The following RIIAD1 variants were observed in gnomAD, a reference collection of about 807,000 sequenced individuals.
RIIAD1 encodes RIIa domain-containing protein 1.
In RIIAD1, 15 loss-of-function variants were observed where a neutral mutation model predicts 13.3. The observed-to-expected ratio is 1.13, with a 90% CI of 0.76 to 1.74. RIIAD1 has a LOEUF of 1.74. RIIAD1 is among the 40% of genes most tolerant of loss of function. The pLI, the probability that RIIAD1 is intolerant of heterozygous loss-of-function variation, is 0.00. For synonymous variants in RIIAD1, 50 were observed against 43.3 expected (o/e 1.16, Z -0.61); for missense variants, 121 against 112.2 (o/e 1.08, Z -0.35).
rs1315905649 is a variant in RIIAD1 at position 151,729,471 on chromosome 1, C to T, written c.*58-17C>T. 1 of 152,256 alleles carries T rather than the reference C, an allele frequency of 6.6e-6. No individual in the cohort carries two copies. The highest frequency in any genetic ancestry group is 2.4e-5 in the African/African-American group (1 of 41,404). 9.4% of individuals were successfully genotyped at this position (152,256 alleles called of 1,614,324 possible). On this transcript the variant is annotated splice_polypyrimidine_tract_variant and intron_variant, in intron 4 of 4. Transcript: ENST00000479191. ...AGGTCACACTCCTAATTTGGTGGAA[C>T]CATTTCTGTTTTGCAGGGTCATCTG... is the stretch of plus-strand genomic sequence containing the variant.
At chr1:151,713,859 T>A (rs1028246856) in intron 3 of RIIAD1, among the ~76,000 whole-genome samples, 1 of 152,190 alleles carries the variant, frequency 6.6e-6, no homozygotes, top group Non-Finnish European at 1.5e-5. Context: ...CTTGGGACAA[T>A]CAGCAAGGCT....
chr1:151,717,152 A>G (rs1673548494), upstream of RIIAD1, among the ~76,000 whole-genome samples: 1 of 152,102 alleles, frequency 6.6e-6, no homozygotes, highest in East Asian at 1.9e-4. Flanking sequence ...GCGGGGAAAG[A>G]GGGGAGCCCG....
chr1:151,714,528 T>G (rs1571937183), exon 4 of RIIAD1: 1 of 1,144,284 alleles, frequency 8.7e-7, no homozygotes. Flanking sequence ...GTCAGGAGGG[T>G]GGTGAGCCTC....
In RIIAD1 at chr1:151,727,561, TTAA is replaced by T; in HGVS notation, c.162-12_162-10del. The T allele has an allele frequency of 1.3e-6, 2 of 1,537,982 alleles. No individual in the cohort carries two copies. Among genetic ancestry groups the T allele is most frequent in the Non-Finnish European group, 1.8e-6 (2 of 1,134,502 alleles). On this transcript the variant is annotated splice_polypyrimidine_tract_variant and intron_variant, in intron 2 of 4. Transcript: ENST00000479191. ...TCTACTTTACCTCCCATCCTATCCC[TTAA>T]TGTTTTCCAGAGAAATATTTTTGAA...
Position 151,721,535 on chromosome 1 carries a change from A to C in RIIAD1, c.-2A>C, listed in dbSNP as rs535065668. ...GCCGGTCGCCTTGACGACCGCAGCAAGATGGAGACGCTGCCAGGCTTGCTG... is the reference window on the plus strand; with the variant it reads ...GCCGGTCGCCTTGACGACCGCAGCACGATGGAGACGCTGCCAGGCTTGCTG... On this transcript the variant is annotated 5_prime_UTR_variant, in exon 1 of 5. Coordinates refer to ENST00000479191, the MANE Select transcript of RIIAD1 (RefSeq NM_001144956.3). 7.8e-5 allele frequency: 103 copies of C among 1,322,808 alleles called. No homozygotes were observed. The Admixed American group carries it at 9.2e-4, about 12-fold the overall frequency. The allele number at this position is 1,322,808 out of a possible 1,614,324, so 81.9% of individuals were successfully genotyped here. A position where few individuals can be genotyped will look rare whatever the true frequency, so the allele number is the denominator to read the frequency against.
At chr1:151,714,241 T>C (rs983718670) in intron 3 of RIIAD1, among the ~76,000 whole-genome samples, 2 of 151,820 alleles carry the variant, frequency 1.3e-5, no homozygotes, top group Non-Finnish European at 1.5e-5. Context: ...AGTGCCTGGG[T>C]GCCCCCTGCT....
chr1:151,718,831 C>G (rs1406021255), upstream of RIIAD1, among the ~76,000 whole-genome samples: 1 of 152,096 alleles, frequency 6.6e-6, no homozygotes, highest in Non-Finnish European at 1.5e-5. Context: ...CTACCCCACC[C>G]CCACTGCTCC....
upstream of RIIAD1, among the ~76,000 whole-genome samples, chr1:151,717,886 C>G (rs970818226): frequency 6.6e-6 from 1 of 152,304 alleles, no homozygotes; most frequent in Middle Eastern, 3.4e-3. Context: ...AGCGTGACCC[C>G]TCCATGCACT....
At chr1:151,715,508 G>A (rs767318812) in intron 4 of RIIAD1, 1 of 769,314 alleles carries the variant, frequency 1.3e-6, no homozygotes, top group Non-Finnish European at 2.0e-6. Flanking sequence ...CAGATTCTCA[G>A]TCTTGCTGCA....
intron 2 of RIIAD1, among the ~76,000 whole-genome samples, chr1:151,722,553 C>T (rs1397670937): frequency 1.3e-5 from 2 of 152,160 alleles, no homozygotes; most frequent in African/African-American, 2.4e-5. Context: ...TTCCTTCCCC[C>T]ACCCTCCTTT....
chr1:151,713,278 C>T (rs563946896), intron 2 of RIIAD1, among the ~76,000 whole-genome samples: 1 of 152,286 alleles, frequency 6.6e-6, no homozygotes, highest in South Asian at 2.1e-4. Flanking sequence ...CAGGTGGTGC[C>T]TCTCCACACC....
At chr1:151,724,104 C>T (rs1250219130) in intron 2 of RIIAD1, among the ~76,000 whole-genome samples, 1 of 152,208 alleles carries the variant, frequency 6.6e-6, no homozygotes, top group Non-Finnish European at 1.5e-5. Flanking sequence ...TTTCAGTCAC[C>T]TGTCAGAGAT....
chr1:151,725,041 C>G (rs1673802448), intron 2 of RIIAD1, among the ~76,000 whole-genome samples: 1 of 150,900 alleles, frequency 6.6e-6, no homozygotes, highest in Non-Finnish European at 1.5e-5. Flanking sequence ...ATCTCCTGAC[C>G]TCATGATCCA....
chr1:151,720,165 C>T (rs535049788), upstream of RIIAD1, among the ~76,000 whole-genome samples: 54 of 152,148 alleles, frequency 3.5e-4, no homozygotes, highest in Non-Finnish European at 6.5e-4. Flanking sequence ...TTTATATTTG[C>T]TGCACATTTA....
At chr1:151,717,874 G>A (rs1448817909), upstream of RIIAD1, among the ~76,000 whole-genome samples, 1 of 152,140 alleles carries the variant, frequency 6.6e-6, no homozygotes, top group Non-Finnish European at 1.5e-5. Context: ...CGATCTGGAG[G>A]GAGCGTGACC....
Position 151,728,774 on chromosome 1 carries a change from A to G in RIIAD1, c.217A>G (p.Thr73Ala). ...TTTGATTTTTATCCCAGACTACTTC[A>G]CGGATCCAAGACTTCCCAACAAGAT... is the stretch of plus-strand genomic sequence containing the variant. The part of the protein sequence containing the change: ...NILEFAADYF[T>A]DPRLPNKIHM... The change falls in exon 4 of 5, where the codon ACG becomes GCG. Residue 73 changes from threonine (T) to alanine (A), a missense_variant. Transcript: ENST00000479191. 6.5e-7 allele frequency: 1 copy of G among 1,534,948 alleles called. No homozygotes were observed. The highest frequency in any genetic ancestry group is 1.2e-5 in the South Asian group (1 of 83,682).
chr1:151,725,124 T>TTTG (rs1331943096), intron 2 of RIIAD1, among the ~76,000 whole-genome samples: 1 of 145,096 alleles, frequency 6.9e-6, no homozygotes, highest in Non-Finnish European at 1.5e-5. Context: ...TTTTTTTTTT[T>TTTG]TTTGGAGACG....
intron 2 of RIIAD1, among the ~76,000 whole-genome samples, chr1:151,725,359 C>T (rs1446636968): frequency 6.6e-6 from 1 of 152,128 alleles, no homozygotes; most frequent in Non-Finnish European, 1.5e-5. Context: ...ATCTGCCTGC[C>T]TCGGCCTCCC....
intron 4 of RIIAD1, chr1:151,716,091 A>G: frequency 1.3e-6 from 2 of 1,492,166 alleles, no homozygotes; most frequent in Non-Finnish European, 1.8e-6. Context: ...CTGCCCAGCA[A>G]GGAGATAAGT....
Sources: gnomAD v4.1 joint callset for allele counts (sites outside exome capture counted in the v4.1 genomes callset) on GRCh38, gnomAD v4.1.1 for gene constraint, MANE v1.5 for transcripts, NCBI Gene and HGNC (gene_info 2026-07-23, HGNC 2026-07-21) for gene names.